Variants in DPYSL2 observed in about 807,000 individuals in gnomAD.
The protein encoded by DPYSL2 is dihydropyrimidinase-related protein 2.
Under a neutral mutation model 69.9 loss-of-function variants are expected in DPYSL2, and 13 were observed. The observed-to-expected ratio is 0.19, with a 90% CI of 0.12 to 0.30. DPYSL2 has a LOEUF of 0.30. Ranked by LOEUF, DPYSL2 falls within the 10% of genes least tolerant of loss-of-function variation. DPYSL2 has a pLI of 1.00. For synonymous variants in DPYSL2, 326 were observed against 359.1 expected (o/e 0.91, Z 1.04); for missense variants, 587 against 918.9 (o/e 0.64, Z 4.67).
intron 1 of DPYSL2, among the ~76,000 whole-genome samples, chr8:26,538,163 T>C (rs1800626220): frequency 6.6e-6 from 1 of 152,186 alleles, no homozygotes; most frequent in Non-Finnish European, 1.5e-5. Context: ...GTCAGATCGA[T>C]TCACTGTAAT....
intron 1 of DPYSL2, chr8:26,578,175 C>T: frequency 6.2e-7 from 1 of 1,605,156 alleles, no homozygotes; most frequent in Non-Finnish European, 8.5e-7. Flanking sequence ...CAAAACAAAA[C>T]AAAAAAAACC....
At position 26,579,869 on chromosome 8, in the gene DPYSL2, C is replaced by T. The variant is rs116447365; in HGVS notation, c.355-2100C>T. 3.1e-3 allele frequency among the ~76,000 whole-genome samples: 448 copies of T among 142,752 alleles called. 2 individuals carry two copies. The highest frequency in any genetic ancestry group is 0.011 in the African/African-American group (400 of 37,874). 93.7% of individuals were successfully genotyped at this position (142,752 alleles called of 152,430 possible). ...CTGTCTTCGTGAATGAACAAGGCAG[C>T]TTCATTTTGACAGTGTGGGGAGAAA... On this transcript the variant is annotated intron_variant, in intron 1 of 13. Transcript: ENST00000521913.
At chr8:26,535,962 C>T (rs1409341365) in intron 1 of DPYSL2, among the ~76,000 whole-genome samples, 1 of 151,272 alleles carries the variant, frequency 6.6e-6, no homozygotes, top group Non-Finnish European at 1.5e-5. Context: ...CACTCTGTCA[C>T]CCAGGCTGGA....
intron 1 of DPYSL2, among the ~76,000 whole-genome samples, chr8:26,525,584 C>T (rs1219520907): frequency 6.6e-6 from 1 of 152,168 alleles, no homozygotes; most frequent in Non-Finnish European, 1.5e-5. Context: ...CTTGAAGTAA[C>T]ATGTAAGTTA....
rs1007493927 is a variant in DPYSL2 at position 26,609,841 on chromosome 8, T to G, written c.629-14302T>G. ...ATTTGTTCATCGCCTGGAATTTATT[T>G]CTGGCAGACTTTGTGGTCAAAACTG... On this transcript the variant is annotated intron_variant, in intron 3 of 13. Coordinates refer to ENST00000521913, the MANE Select transcript of DPYSL2 (RefSeq NM_001197293.3). This position sits in a 1 kb window ranked among gnomAD's most constrained non-coding sequence, Gnocchi z 6.5. Among the ~76,000 whole-genome samples the G allele has an allele frequency of 6.6e-6, 1 of 152,226 alleles. No homozygotes were observed. Among genetic ancestry groups the G allele is most frequent in the Non-Finnish European group, 1.5e-5 (1 of 68,038 alleles).
rs568000048 is a variant in DPYSL2 at position 26,654,967 on chromosome 8, C to T, written c.1943-648C>T. The stretch of plus-strand genomic sequence containing the variant: ...AGTGATCCTCCCAGCTCAGCCTCCC[C>T]AGTAGCTGGTACTACAGGCTTGCAC... On this transcript the variant is annotated intron_variant, in intron 13 of 13. Coordinates refer to ENST00000521913, the MANE Select transcript of DPYSL2 (RefSeq NM_001197293.3). The surrounding 1 kb of genome is among the most constrained non-coding windows in gnomAD (Gnocchi z 5.0). Among the ~76,000 whole-genome samples the T allele has an allele frequency of 2.6e-5, 4 of 152,224 alleles. No homozygotes were observed. Among genetic ancestry groups the T allele is most frequent in the Admixed American group, 2.6e-4 (4 of 15,298 alleles).
rs1585512010 is a variant in DPYSL2, at chr8:26,565,181, G to A, written c.355-16788G>A. Among the ~76,000 whole-genome samples, 1 of 152,252 alleles carries A rather than the reference G, an allele frequency of 6.6e-6. No homozygotes were observed. The highest frequency in any genetic ancestry group is 1.9e-4 in the East Asian group (1 of 5,184). On this transcript the variant is annotated intron_variant, in intron 1 of 13. Coordinates refer to ENST00000521913, the MANE Select transcript of DPYSL2 (RefSeq NM_001197293.3). This position sits in a 1 kb window ranked among gnomAD's most constrained non-coding sequence, Gnocchi z 4.1. ...ACCACATTTTCTTCATCCACTCATT[G>A]GTCAGTGGGCACTTAGGCTGGTTCC...
At chr8:26,519,947 G>T (rs910716615) in intron 1 of DPYSL2, among the ~76,000 whole-genome samples, 1 of 152,136 alleles carries the variant, frequency 6.6e-6, no homozygotes, top group East Asian at 1.9e-4. Context: ...AAAGTAAATT[G>T]TAAAATGATA....
At position 26,593,105 on chromosome 8, in the gene DPYSL2, A is replaced by G. The variant is rs1801779088; in HGVS notation, c.628+9122A>G. On this transcript the variant is annotated intron_variant, in intron 3 of 13. Transcript: ENST00000521913. The surrounding 1 kb of genome is among the most constrained non-coding windows in gnomAD (Gnocchi z 5.7). ...AATTAGAGTTCTTTCTGGTTAACCC[A>G]TTTGGGAGGTAGCTTTCTTTGAATA... is the stretch of plus-strand genomic sequence containing the variant. Among the ~76,000 whole-genome samples the G allele has an allele frequency of 6.6e-6, 1 of 152,160 alleles. No homozygotes were observed. The highest frequency in any genetic ancestry group is 1.9e-4 in the East Asian group (1 of 5,204).
intron 1 of DPYSL2, among the ~76,000 whole-genome samples, chr8:26,531,160 G>A (rs1400176134): frequency 6.6e-6 from 1 of 152,054 alleles, no homozygotes; most frequent in African/African-American, 2.4e-5. Context: ...TGGGGATTAG[G>A]TTTTCAATAC....
chr8:26,599,823 A>AT (rs1801951831), intron 3 of DPYSL2, among the ~76,000 whole-genome samples: 2 of 152,202 alleles, frequency 1.3e-5, no homozygotes, highest in Admixed American at 6.5e-5. Flanking sequence ...TTTTTAGTAT[A>AT]TTCACAGAAT....
In DPYSL2 at chr8:26,562,697, T is replaced by C. The variant is rs879045795; in HGVS notation, c.355-19272T>C. Among the ~76,000 whole-genome samples, 1 of 152,150 alleles carries C rather than the reference T, an allele frequency of 6.6e-6. No homozygotes were observed. Among genetic ancestry groups the C allele is most frequent in the Admixed American group, 6.5e-5 (1 of 15,280 alleles). On this transcript the variant is annotated intron_variant, in intron 1 of 13. Transcript: ENST00000521913. The surrounding 1 kb of genome is among the most constrained non-coding windows in gnomAD (Gnocchi z 4.9). ...CTGTGTAACAAATAGCCCCAAAATA[T>C]AGTGGCAAAGACCAACAACACTCTT...
In DPYSL2 at chr8:26,627,958, G is replaced by A. The variant is rs754528026; in HGVS notation, c.1005+18G>A. 22 of 1,611,698 alleles carry A rather than the reference G, an allele frequency of 1.4e-5. No individual in the cohort carries two copies. In the Admixed American group the frequency reaches 1.7e-4, roughly 12 times the overall value. ...CTGAGGAGGTGAATGTTCACCAAGC[G>A]GAATGCGTGAATCAGTGTCCCTTGG... On this transcript the variant is annotated intron_variant, in intron 7 of 13. Transcript: ENST00000521913. The surrounding 1 kb of genome is among the most constrained non-coding windows in gnomAD (Gnocchi z 6.9).
In DPYSL2 at chr8:26,620,800, A is replaced by T. The variant is rs1802463434; in HGVS notation, c.629-3343A>T. Reference sequence around the variant, plus strand: ...TTTTTTAATCTTAAAGGAAATAGATATGTTAAACCTATCAGGCTTCCTTAT... The same window carrying T: ...TTTTTTAATCTTAAAGGAAATAGATTTGTTAAACCTATCAGGCTTCCTTAT... On this transcript the variant is annotated intron_variant, in intron 3 of 13. Coordinates refer to ENST00000521913, the MANE Select transcript of DPYSL2 (RefSeq NM_001197293.3). The surrounding 1 kb of genome is among the most constrained non-coding windows in gnomAD (Gnocchi z 4.5). Among the ~76,000 whole-genome samples, 1 of 152,214 alleles carries T rather than the reference A, an allele frequency of 6.6e-6. No individual in the cohort carries two copies. The highest frequency in any genetic ancestry group is 2.1e-4 in the South Asian group (1 of 4,834).
Position 26,545,949 on chromosome 8 carries a change from A to G in DPYSL2, c.354+31270A>G, listed in dbSNP as rs143007411. On this transcript the variant is annotated intron_variant, in intron 1 of 13. Coordinates refer to ENST00000521913, the MANE Select transcript of DPYSL2 (RefSeq NM_001197293.3). The stretch of plus-strand genomic sequence containing the variant: ...GTATCTGACTTGTTCTACTCCTTCA[A>G]TTTCACGTTGCCTATTCTGGGTCTT... 6.9e-3 allele frequency among the ~76,000 whole-genome samples: 1,048 copies of G among 152,232 alleles called. 9 individuals are homozygous for G. The highest frequency in any genetic ancestry group is 0.036 in the South Asian group (175 of 4,820).
In DPYSL2 at chr8:26,514,259, C is replaced by T; in HGVS notation, c.-67C>T. 1 of 1,342,092 alleles carries T rather than the reference C, an allele frequency of 7.5e-7. No individual in the cohort carries two copies. Among genetic ancestry groups the T allele is most frequent in the Non-Finnish European group, 9.8e-7 (1 of 1,025,602 alleles). The allele number at this position is 1,342,092 out of a possible 1,614,324, so 83.1% of individuals were successfully genotyped here. On this transcript the variant is annotated 5_prime_UTR_variant, in exon 1 of 14. Coordinates refer to ENST00000521913, the MANE Select transcript of DPYSL2 (RefSeq NM_001197293.3). This position sits in a 1 kb window ranked among gnomAD's most constrained non-coding sequence, Gnocchi z 8.4. ...GCAGCTAGGGGGCTTGTGCACACAG[C>T]GAGGGAGACTTAGGGACTGGCAGAC...
rs528249555 is a variant in DPYSL2 at position 26,648,511 on chromosome 8, A to G, written c.1596+711A>G. 6.6e-6 allele frequency among the ~76,000 whole-genome samples: 1 copy of G among 152,364 alleles called. No individual in the cohort carries two copies. Among genetic ancestry groups the G allele is most frequent in the East Asian group, 1.9e-4 (1 of 5,188 alleles). The stretch of plus-strand genomic sequence containing the variant: ...AAGTGTCCTGTGATTCTGTGAGGTC[A>G]GCAGACATTAAGCAGAGTTGTTAGA... On this transcript the variant is annotated intron_variant, in intron 11 of 13. Transcript: ENST00000521913. This position sits in a 1 kb window ranked among gnomAD's most constrained non-coding sequence, Gnocchi z 4.3.
rs1173000856 is a variant in DPYSL2 at position 26,588,549 on chromosome 8, C to T, written c.628+4566C>T. 6.6e-6 allele frequency among the ~76,000 whole-genome samples: 1 copy of T among 152,148 alleles called. No homozygotes were observed. Among genetic ancestry groups the T allele is most frequent in the African/African-American group, 2.4e-5 (1 of 41,426 alleles). On this transcript the variant is annotated intron_variant, in intron 3 of 13. Coordinates refer to ENST00000521913, the MANE Select transcript of DPYSL2 (RefSeq NM_001197293.3). This position sits in a 1 kb window ranked among gnomAD's most constrained non-coding sequence, Gnocchi z 5.4. ...CCAGGCTCTCTCTAGAGGAGGTGCA[C>T]CCTCAGGCACAACATACCCAGCAGG...
In DPYSL2 at chr8:26,564,728, T is replaced by C. The variant is rs1172761397; in HGVS notation, c.355-17241T>C. On this transcript the variant is annotated intron_variant, in intron 1 of 13. Transcript: ENST00000521913. This position sits in a 1 kb window ranked among gnomAD's most constrained non-coding sequence, Gnocchi z 4.8. ...GTGGGAAGTCTTCAGGGGAAGCTCT[T>C]CTGGAGTGATCTGTCCCAGTTTCTT... Among the ~76,000 whole-genome samples, 1 of 152,164 alleles carries C rather than the reference T, an allele frequency of 6.6e-6. No individual in the cohort carries two copies. The highest frequency in any genetic ancestry group is 2.4e-5 in the African/African-American group (1 of 41,430).
Sources: gnomAD v4.1 joint callset for allele counts (sites outside exome capture counted in the v4.1 genomes callset) on GRCh38, gnomAD v4.1.1 for gene constraint, Gnocchi (gnomAD v3.1) non-coding constraint, MANE v1.5 for transcripts, NCBI Gene and HGNC (gene_info 2026-07-23, HGNC 2026-07-21) for gene names.